ZSCAN5A: variants seen among roughly 807,000 people sequenced by gnomAD.
The protein encoded by ZSCAN5A is zinc finger and SCAN domain-containing protein 5A.
ZSCAN5A carries 12 observed loss-of-function variants against 23.7 expected under a neutral mutation model. That is an observed-to-expected ratio of 0.51 (90% CI 0.32 to 0.82). The LOEUF (loss-of-function observed/expected upper bound fraction) is 0.82. Ranked by LOEUF, ZSCAN5A falls within the 40% of genes least tolerant of loss-of-function variation. The pLI, the probability that ZSCAN5A is intolerant of heterozygous loss-of-function variation, is 0.03. For synonymous variants in ZSCAN5A, 257 were observed against 239.9 expected, an observed-to-expected ratio of 1.07 and a Z score of -0.66; for missense variants, 597 against 617.9, an observed-to-expected ratio of 0.97 and a Z score of 0.36.
intron 2 of ZSCAN5A, among the ~76,000 whole-genome samples, chr19:56,361,389 T>A (rs1260955016): frequency 6.6e-6 from 1 of 152,196 alleles, no homozygotes; most frequent in Non-Finnish European, 1.5e-5. Context: ...CATTCTATTT[T>A]AAAAATACAT....
chr19:56,241,190 T>C lies in ZSCAN5A; in HGVS notation c.-127-16017A>G, dbSNP rs570249119. ...TAACCCGCATACCTGCCTTTATTTT[T>C]TCCCATGTTCCATTGCTTGCTTTAA... On this transcript the variant is annotated intron_variant, in intron 2 of 5. Transcript: ENST00000683990. 1.4e-4 allele frequency among the ~76,000 whole-genome samples: 21 copies of C among 152,376 alleles called. 2 individuals are homozygous for C. Among genetic ancestry groups the C allele is most frequent in the African/African-American group, 4.6e-4 (19 of 41,596 alleles).
At chr19:56,256,246 G>A (rs774695374) in intron 2 of ZSCAN5A, among the ~76,000 whole-genome samples, 35 of 152,160 alleles carry the variant, frequency 2.3e-4, no homozygotes, top group Admixed American at 9.8e-4. Flanking sequence ...AGGCTGGAGT[G>A]CAGTGGTGCG....
chr19:56,253,149 G>A (rs2036469208), intron 2 of ZSCAN5A, among the ~76,000 whole-genome samples: 2 of 152,074 alleles, frequency 1.3e-5, no homozygotes, highest in Non-Finnish European at 1.5e-5. Context: ...GCAGAGGTGT[G>A]AGCCTATAGG....
chr19:56,361,220 G>A (rs1198985337), intron 2 of ZSCAN5A, among the ~76,000 whole-genome samples: 1 of 152,208 alleles, frequency 6.6e-6, no homozygotes, highest in Non-Finnish European at 1.5e-5. Flanking sequence ...TGCTGGCGAG[G>A]TTGCAGAGAA....
intron 2 of ZSCAN5A, among the ~76,000 whole-genome samples, chr19:56,260,311 T>A (rs961267517): frequency 1.4e-3 from 210 of 148,264 alleles, no homozygotes; most frequent in African/African-American, 4.0e-3. Flanking sequence ...GCTTCCAGGG[T>A]TCAAGCAATT....
intron 2 of ZSCAN5A, among the ~76,000 whole-genome samples, chr19:56,226,902 C>T (rs2034001854): frequency 6.6e-6 from 1 of 151,984 alleles, no homozygotes; most frequent in Admixed American, 6.5e-5. Context: ...CAGGTACCCA[C>T]TGAATCTAAA....
chr19:56,259,356 G>A (rs1443922118), intron 2 of ZSCAN5A, among the ~76,000 whole-genome samples: 3 of 152,040 alleles, frequency 2.0e-5, no homozygotes, highest in African/African-American at 4.8e-5. Context: ...GAGCTACCGC[G>A]CCTGGCTGCA....
chr19:56,230,752 T>C (rs2034397266), intron 2 of ZSCAN5A, among the ~76,000 whole-genome samples: 1 of 152,110 alleles, frequency 6.6e-6, no homozygotes, highest in South Asian at 2.1e-4. Flanking sequence ...TAAACCCTAT[T>C]GTGAATGTAA....
At chr19:56,264,507 G>T (rs1251540357) in intron 2 of ZSCAN5A, among the ~76,000 whole-genome samples, 1 of 152,196 alleles carries the variant, frequency 6.6e-6, no homozygotes, top group African/African-American at 2.4e-5. Context: ...TCTGAATCCT[G>T]AAGTCAAAGT....
At chr19:56,224,611 A>G (rs1215528469) in intron 3 of ZSCAN5A, 52 bp downstream of exon 3, 1 of 1,550,480 alleles carries the variant, frequency 6.4e-7, no homozygotes, top group African/African-American at 1.4e-5. Context: ...TGCACCGTGC[A>G]GCCCCCATCC....
At chr19:56,313,153 TA>T in intron 2 of ZSCAN5A, 129 bp downstream of exon 2, 1 of 220,146 alleles carries the variant, frequency 4.5e-6, no homozygotes, top group Non-Finnish European at 9.5e-6. Context: ...AAGAAACTGC[TA>T]AAAGCCACGG....
chr19:56,283,769 G>A (rs8104291), intron 2 of ZSCAN5A: 60,254 of 152,004 alleles, frequency 0.4, 13,853 homozygotes, highest in Non-Finnish European at 0.51. Flanking sequence ...AGGTTCACCC[G>A]TCCTCACCAG....
At chr19:56,275,806 C>G (rs2038203325) in intron 2 of ZSCAN5A, among the ~76,000 whole-genome samples, 1 of 152,218 alleles carries the variant, frequency 6.6e-6, no homozygotes, top group African/African-American at 2.4e-5. Flanking sequence ...GGGGCTGAAT[C>G]TGATTTATCT....
At chr19:56,293,816 T>C (rs565701475) in intron 2 of ZSCAN5A, among the ~76,000 whole-genome samples, 1 of 151,976 alleles carries the variant, frequency 6.6e-6, no homozygotes, top group Non-Finnish European at 1.5e-5. Flanking sequence ...GAGATGTTGC[T>C]ACACATCCTA....
chr19:56,289,097 G>T (rs1283143836), intron 2 of ZSCAN5A, among the ~76,000 whole-genome samples: 2 of 152,150 alleles, frequency 1.3e-5, no homozygotes, highest in African/African-American at 4.8e-5. Context: ...AACCACCTCT[G>T]CAAGGGGAGA....
intron 2 of ZSCAN5A, among the ~76,000 whole-genome samples, chr19:56,303,622 A>G (rs192596119): frequency 6.6e-6 from 1 of 152,236 alleles, no homozygotes; most frequent in African/African-American, 2.4e-5. Context: ...ACGTGTGTAG[A>G]GGACCCATCC....
chr19:56,302,612 C>CGT (rs2040402803), intron 2 of ZSCAN5A, among the ~76,000 whole-genome samples: 1 of 123,798 alleles, frequency 8.1e-6, no homozygotes, highest in Non-Finnish European at 1.7e-5. Flanking sequence ...TCTTCCTCTC[C>CGT]CTCTTCCTCC....
At chr19:56,305,353 A>G (rs955681749) in intron 2 of ZSCAN5A, among the ~76,000 whole-genome samples, 1 of 152,182 alleles carries the variant, frequency 6.6e-6, no homozygotes, top group Non-Finnish European at 1.5e-5. Context: ...GGCCCTTTGC[A>G]TCTGGGTTTA....
intron 2 of ZSCAN5A, among the ~76,000 whole-genome samples, chr19:56,256,784 A>G (rs897677922): frequency 2.0e-5 from 3 of 152,104 alleles, no homozygotes; most frequent in Non-Finnish European, 2.9e-5. Context: ...CAGTCGTGTG[A>G]CGATTGTGTC....
Sources: allele counts gnomAD v4.1 joint callset (sites outside exome capture counted in the v4.1 genomes callset), GRCh38; gene constraint gnomAD v4.1.1; transcripts MANE v1.5; gene names NCBI Gene and HGNC (gene_info 2026-07-23, HGNC 2026-07-21).